The following ZNRF2 variants were observed in gnomAD, a reference collection of about 807,000 sequenced individuals.
The protein encoded by ZNRF2 is E3 ubiquitin-protein ligase ZNRF2.
A neutral mutation model predicts 20.4 loss-of-function variants in ZNRF2; 16 were observed. That is an observed-to-expected ratio of 0.79 (90% CI 0.53 to 1.19). The LOEUF (loss-of-function observed/expected upper bound fraction) is 1.19, where lower values mean the gene tolerates loss of function less well. ZNRF2 is among the 50% of genes most tolerant of loss of function. ZNRF2 has a pLI of 0.00. For missense variants in ZNRF2, 363 were observed against 332.4 expected, an observed-to-expected ratio of 1.09 and a Z score of -0.72; for synonymous variants, 178 against 144.9, an observed-to-expected ratio of 1.23 and a Z score of -1.64.
intron 2 of ZNRF2, among the ~76,000 whole-genome samples, chr7:30,342,849 C>A (rs1286011987): frequency 1.3e-5 from 2 of 152,014 alleles, no homozygotes; most frequent in Non-Finnish European, 2.9e-5. Flanking sequence ...TCTTTTTTAA[C>A]TCAAAAGTTA....
intron 1 of ZNRF2, among the ~76,000 whole-genome samples, chr7:30,296,117 T>G (rs1799016200): frequency 6.6e-6 from 1 of 152,242 alleles, no homozygotes; most frequent in African/African-American, 2.4e-5. Context: ...AAGGTAAGAT[T>G]ATTATCAAAA....
intron 1 of ZNRF2, among the ~76,000 whole-genome samples, chr7:30,323,220 C>G (rs1488664356): frequency 6.6e-6 from 1 of 151,900 alleles, no homozygotes; most frequent in African/African-American, 2.4e-5. Flanking sequence ...GTCTAAGGTG[C>G]TGTTTAGCTA....
intron 1 of ZNRF2, among the ~76,000 whole-genome samples, chr7:30,316,288 CAAAAAAAAAAAAAAAAAAAAA>C (rs60218988): frequency 3.6e-5 from 1 of 27,500 alleles, no homozygotes. Context: ...AACTCCATCT[CAAAAAAAAAAAAAAAAAAAAA>C]AAAAAAAAAA....
At chr7:30,287,712 A>G (rs1399752881) in intron 1 of ZNRF2, among the ~76,000 whole-genome samples, 1 of 151,706 alleles carries the variant, frequency 6.6e-6, no homozygotes, top group African/African-American at 2.4e-5. Context: ...CTAGTAGTAC[A>G]GTGACACTTT....
chr7:30,294,158 C>T lies in ZNRF2; in HGVS notation c.469+8332C>T, dbSNP rs187884477. 3.3e-5 allele frequency among the ~76,000 whole-genome samples: 5 copies of T among 152,060 alleles called. No individual in the cohort carries two copies. The East Asian group carries it at 5.8e-4, about 18-fold the overall frequency. ...TGGTTTTTAATTTTTTCTACTGTTA[C>T]CTCTATTCTGTTCGTTCTCATTTTG... On this transcript the variant is annotated intron_variant, in intron 1 of 4. Coordinates refer to ENST00000323037, the MANE Select transcript of ZNRF2 (RefSeq NM_147128.4).
intron 2 of ZNRF2, among the ~76,000 whole-genome samples, chr7:30,346,289 G>A (rs1221615877): frequency 2.1e-5 from 3 of 140,114 alleles, no homozygotes; most frequent in African/African-American, 5.3e-5. Flanking sequence ...TGCCTCCTAG[G>A]TTCAAGCAAT....
intron 2 of ZNRF2, among the ~76,000 whole-genome samples, chr7:30,337,627 A>G (rs190530420): frequency 6.6e-6 from 1 of 152,242 alleles, no homozygotes. Flanking sequence ...CGTTCGTACA[A>G]ACATGTTTGA....
intron 2 of ZNRF2, among the ~76,000 whole-genome samples, chr7:30,337,241 G>T (rs1799731007): frequency 6.6e-6 from 1 of 151,974 alleles, no homozygotes; most frequent in Non-Finnish European, 1.5e-5. Context: ...CCCATGTAAG[G>T]CTTTTAGCCT....
chr7:30,293,248 ATTT>A (rs71557451), intron 1 of ZNRF2, among the ~76,000 whole-genome samples: 8 of 133,698 alleles, frequency 6.0e-5, no homozygotes, highest in African/African-American at 8.3e-5. Flanking sequence ...AAATTTTTAC[ATTT>A]TTTTTTTTTT....
At chr7:30,300,791 T>C (rs1799101759) in intron 1 of ZNRF2, among the ~76,000 whole-genome samples, 1 of 152,228 alleles carries the variant, frequency 6.6e-6, no homozygotes, top group Non-Finnish European at 1.5e-5. Context: ...GAGTTGGGAA[T>C]TTATTATGTT....
chr7:30,303,266 AAAAAAAAAAAAG>A (rs1376063676), intron 1 of ZNRF2, among the ~76,000 whole-genome samples: 5 of 150,844 alleles, frequency 3.3e-5, no homozygotes, highest in Non-Finnish European at 7.4e-5. Context: ...CCTGTCTCAA[AAAAAAAAAAAAG>A]AAAAAGAAAA....
intron 1 of ZNRF2, among the ~76,000 whole-genome samples, chr7:30,310,870 C>CTGTCCTGTCT (rs1183571446): frequency 8.6e-5 from 13 of 152,002 alleles, no homozygotes; most frequent in African/African-American, 3.1e-4. Context: ...CTGTCCTGTC[C>CTGTCCTGTCT]TGTCCTGTCC....
intron 2 of ZNRF2, among the ~76,000 whole-genome samples, chr7:30,354,143 A>G (rs963039090): frequency 6.6e-6 from 1 of 151,980 alleles, no homozygotes; most frequent in African/African-American, 2.4e-5. Flanking sequence ...AGTGGGTAGG[A>G]TCTCTAGGGC....
chr7:30,314,484 C>G (rs1370261453), intron 1 of ZNRF2, among the ~76,000 whole-genome samples: 2 of 151,824 alleles, frequency 1.3e-5, no homozygotes, highest in Non-Finnish European at 1.5e-5. Context: ...AAGAATAAAG[C>G]TAATGGGATA....
rs1376254076 is a variant in ZNRF2, at chr7:30,365,172, T to TTG, written c.*23-863_*23-862insTG. 1.6e-3 allele frequency among the ~76,000 whole-genome samples: 186 copies of TTG among 114,940 alleles called. 1 individual carries two copies. Among genetic ancestry groups the TTG allele is most frequent in the African/African-American group, 7.3e-3 (175 of 24,112 alleles). 75.4% of individuals were successfully genotyped at this position (114,940 alleles called of 152,430 possible). On this transcript the variant is annotated intron_variant, in intron 4 of 4. Coordinates refer to ENST00000323037, the MANE Select transcript of ZNRF2 (RefSeq NM_147128.4). ...CTTTTTTTTTTTTTTTTTTTTTTTT[T>TTG]GGTGAGGTGGAATTATATTGTATAA... is the stretch of plus-strand genomic sequence containing the variant.
intron 1 of ZNRF2, among the ~76,000 whole-genome samples, chr7:30,290,574 TTACATAATCG>T (rs1356007979): frequency 6.6e-6 from 1 of 152,256 alleles, no homozygotes; most frequent in Non-Finnish European, 1.5e-5. Flanking sequence ...TGCTATGTTC[TTACATAATCG>T]TGTACATGTA....
chr7:30,319,281 T>C (rs1207527314), intron 1 of ZNRF2, among the ~76,000 whole-genome samples: 1 of 152,146 alleles, frequency 6.6e-6, no homozygotes, highest in East Asian at 1.9e-4. Flanking sequence ...AAGAGTTGTC[T>C]GAAAAGTGTA....
intron 2 of ZNRF2, among the ~76,000 whole-genome samples, chr7:30,333,958 G>A (rs550864107): frequency 9.9e-5 from 15 of 152,192 alleles, no homozygotes; most frequent in Middle Eastern, 3.4e-3. Context: ...TTTTTACTCT[G>A]TTGGAATTCC....
chr7:30,290,417 G>A (rs960687102), intron 1 of ZNRF2, among the ~76,000 whole-genome samples: 2 of 152,104 alleles, frequency 1.3e-5, no homozygotes, highest in Non-Finnish European at 2.9e-5. Flanking sequence ...CAAAGTGTAG[G>A]TCAGGGCAGG....
Sources: allele counts gnomAD v4.1 joint callset (sites outside exome capture counted in the v4.1 genomes callset), GRCh38; gene constraint gnomAD v4.1.1; transcripts MANE v1.5; gene names NCBI Gene and HGNC (gene_info 2026-07-23, HGNC 2026-07-21).